MMP8: variants seen among roughly 807,000 people sequenced by gnomAD.
The protein encoded by MMP8 is matrix metallopeptidase 8, also known as neutrophil collagenase.
A neutral mutation model predicts 51.2 loss-of-function variants in MMP8; 67 were observed. The ratio of observed to expected loss-of-function variants is 1.31; its 90% CI spans 1.08 to 1.60. The LOEUF (loss-of-function observed/expected upper bound fraction) is 1.60, where lower values mean the gene tolerates loss of function less well. MMP8 is among the 40% of genes most tolerant of loss of function. The pLI is 0.00. For missense variants in MMP8, 654 were observed against 558.1 expected (o/e 1.17, Z -1.73); for synonymous variants, 225 against 191.0 (o/e 1.18, Z -1.47).
Position 102,724,898 on chromosome 11 carries a change from C to G in MMP8, c.-43G>C, listed in dbSNP as rs752268472. 5 of 1,586,548 alleles carry G rather than the reference C, an allele frequency of 3.2e-6. No individual in the cohort carries two copies. Among genetic ancestry groups the G allele is most frequent in the South Asian group, 2.3e-5 (2 of 85,824 alleles). On this transcript the variant is annotated 5_prime_UTR_variant, in exon 1 of 10. Transcript: ENST00000236826. ...CTACCCCTCCTGGCTTTCTTTCTGT[C>G]CCTCTGGGTAGGGCCCTTCCCTGGC...
intron 5 of MMP8, among the ~76,000 whole-genome samples, chr11:102,717,007 G>T (rs1861318988): frequency 6.6e-6 from 1 of 152,150 alleles, no homozygotes. Flanking sequence ...AGTTAGGATA[G>T]GCTCAACATT....
In MMP8 at chr11:102,713,817, T is replaced by C. The variant is rs766934084; in HGVS notation, c.1231A>G (p.Lys411Glu). 3 of 1,612,602 alleles carry C rather than the reference T, an allele frequency of 1.9e-6. No homozygotes were observed. The South Asian group carries it at 3.3e-5, about 18-fold the overall frequency. The change falls in exon 9 of 10, where the codon AAA (lysine) becomes GAA (glutamate). Residue 411 changes from lysine (K) to glutamate (E), a missense_variant. Lys to Glu is a moderately conservative substitution (Grantham distance 56). Transcript: ENST00000236826. ...CCTGGAAAGGCACCTGATATGCTTT[T>C]GGGATAACCTGGCTCCATGAATTGT... ...QRQFMEPGYP[K>E]SISGAFPGIE...
intron 7 of MMP8, 26 bp downstream of exon 7, chr11:102,715,278 A>G: frequency 1.3e-6 from 2 of 1,597,994 alleles, no homozygotes; most frequent in Non-Finnish European, 1.7e-6. Context: ...CAGAACTAAC[A>G]TAAGATGAAA....
intron 4 of MMP8, among the ~76,000 whole-genome samples, chr11:102,720,914 C>G (rs1861449106): frequency 6.6e-6 from 1 of 151,096 alleles, no homozygotes; most frequent in African/African-American, 2.4e-5. Context: ...GAAAAATAGG[C>G]TCTTTTCAAA....
chr11:102,717,582 A>G (rs1861335129), intron 5 of MMP8, among the ~76,000 whole-genome samples: 1 of 152,160 alleles, frequency 6.6e-6, no homozygotes, highest in Admixed American at 6.5e-5. Context: ...CATGTTTCTC[A>G]CTGCTGCACA....
Position 102,713,414 on chromosome 11 carries a change from A to T in MMP8, c.1338T>A (p.Asp446Glu), listed in dbSNP as rs758068492. 2 of 1,613,702 alleles carry T rather than the reference A, an allele frequency of 1.2e-6. No individual in the cohort carries two copies. The highest frequency in any genetic ancestry group is 1.7e-6 in the Non-Finnish European group (2 of 1,179,666). ...VFSGPRYYAFDLIAQRVTRVA... is the reference protein window; with the variant it reads ...VFSGPRYYAFELIAQRVTRVA... ...CTCTGGTAACTCTCTGAGCAATAAG[A>T]TCAAATGCGTAATATCTTGGTCCAC... The change falls in exon 10 of 10, where the codon GAT becomes GAA. Residue 446 changes from aspartate to glutamate, a missense_variant. Asp to Glu is a conservative substitution (Grantham distance 45). Transcript: ENST00000236826.
intron 2 of MMP8, 70 bp from the exon 3 acceptor site, chr11:102,721,832 T>C: frequency 3.2e-6 from 5 of 1,555,816 alleles, no homozygotes; most frequent in Non-Finnish European, 2.6e-6. Context: ...TGATGAGTTG[T>C]TCTGTTTTGA....
intron 6 of MMP8, among the ~76,000 whole-genome samples, chr11:102,716,045 C>A (rs1565437097): frequency 1.3e-5 from 2 of 151,744 alleles, no homozygotes; most frequent in Non-Finnish European, 2.9e-5. Context: ...TCTTGAGTTA[C>A]CCAGAAAATA....
chr11:102,716,436 A>G lies in MMP8; in HGVS notation c.785-17T>C. 1.4e-6 allele frequency: 2 copies of G among 1,439,012 alleles called. No individual in the cohort carries two copies. Among genetic ancestry groups the G allele is most frequent in the Non-Finnish European group, 1.9e-6 (2 of 1,054,696 alleles). The allele number at this position is 1,439,012 out of a possible 1,614,324, so 89.1% of individuals were successfully genotyped here. On this transcript the variant is annotated splice_polypyrimidine_tract_variant and intron_variant, in intron 5 of 9. Transcript: ENST00000236826. ...TTGAAAGTCCTGGAAAAAAAAAAAA[A>G]AAAAAAAAAAAGGTCTTTCTTATGA... is the stretch of plus-strand genomic sequence containing the variant.
chr11:102,714,505 G>C, intron 8 of MMP8, 51 bp downstream of exon 8: 1 of 1,264,866 alleles, frequency 7.9e-7, no homozygotes, highest in Non-Finnish European at 1.0e-6. Context: ...TTGTAAGCAG[G>C]GTAGAGAAAC....
chr11:102,721,318 TTGTGTGTGTG>T (rs5794191), intron 4 of MMP8, 73 bp downstream of exon 4: 5 of 1,352,982 alleles, frequency 3.7e-6, no homozygotes, highest in Non-Finnish European at 5.1e-6. Flanking sequence ...GTTACCTTTA[TTGTGTGTGTG>T]TGTGTGTGTG....
At chr11:102,715,542 A>C in intron 6 of MMP8, 105 bp from the exon 7 acceptor site, 2 of 1,417,454 alleles carry the variant, frequency 1.4e-6, no homozygotes, top group South Asian at 1.4e-5. Flanking sequence ...GATTGCTGGG[A>C]GAATATAACA....
In MMP8 at chr11:102,721,730, G is replaced by C; in HGVS notation, c.380C>G (p.Ala127Gly). ...IRNYTPQLSE[A>G]EVERAIKDAF... Reference sequence around the variant, plus strand: ...ATCCTTGATAGCTCTTTCTACCTCAGCCTCTGACAGCTGTGGGGTATAGTT... The same window carrying C: ...ATCCTTGATAGCTCTTTCTACCTCACCCTCTGACAGCTGTGGGGTATAGTT... The change falls in exon 3 of 10, where the codon GCT (alanine) becomes GGT (glycine). Residue 127 changes from alanine to glycine, a missense_variant. By Grantham distance (60) the Ala-to-Gly change is moderately conservative (BLOSUM62 0). Coordinates refer to ENST00000236826, the MANE Select transcript of MMP8 (RefSeq NM_002424.3). 6.2e-7 allele frequency: 1 copy of C among 1,613,776 alleles called. No individual in the cohort carries two copies. The highest frequency in any genetic ancestry group is 8.5e-7 in the Non-Finnish European group (1 of 1,179,794).
In MMP8 at chr11:102,716,437, A is replaced by G; in HGVS notation, c.785-18T>C. ...TGAAAGTCCTGGAAAAAAAAAAAAA[A>G]AAAAAAAAAAGGTCTTTCTTATGAG... On this transcript the variant is annotated intron_variant, in intron 5 of 9. Coordinates refer to ENST00000236826, the MANE Select transcript of MMP8 (RefSeq NM_002424.3). 2 of 1,438,658 alleles carry G rather than the reference A, an allele frequency of 1.4e-6. No individual in the cohort carries two copies. Among genetic ancestry groups the G allele is most frequent in the Non-Finnish European group, 1.9e-6 (2 of 1,054,308 alleles). The allele number at this position is 1,438,658 out of a possible 1,614,324, so 89.1% of individuals were successfully genotyped here.
intron 1 of MMP8, chr11:102,723,195 T>G: frequency 2.1e-6 from 1 of 479,770 alleles, no homozygotes; most frequent in Non-Finnish European, 3.8e-6. Flanking sequence ...ATTTCAAATA[T>G]CTTTTAGGGG....
At chr11:102,713,673 CTGG>C (rs1861191891) in intron 9 of MMP8, 78 bp downstream of exon 9, 2 of 1,255,116 alleles carry the variant, frequency 1.6e-6, no homozygotes, top group African/African-American at 3.0e-5. Context: ...TGACACTAAC[CTGG>C]TCAGCATAGT....
In MMP8 at chr11:102,712,362, T is replaced by C. The variant is rs183475197; in HGVS notation, c.*986A>G. 1 of 152,382 alleles carries C rather than the reference T, an allele frequency of 6.6e-6. No individual in the cohort carries two copies. Among genetic ancestry groups the C allele is most frequent in the Admixed American group, 6.5e-5 (1 of 15,300 alleles). 9.4% of individuals were successfully genotyped at this position (152,382 alleles called of 1,614,324 possible). On this transcript the variant is annotated 3_prime_UTR_variant, in exon 10 of 10. Coordinates refer to ENST00000236826, the MANE Select transcript of MMP8 (RefSeq NM_002424.3). ...AGGGTTCTACTTCTGCATTCTGTGTTGATTCATTTTCATATGTGTAGATGT... is the reference window on the plus strand; with the variant it reads ...AGGGTTCTACTTCTGCATTCTGTGTCGATTCATTTTCATATGTGTAGATGT...
At chr11:102,713,530 G>C (rs1348956843) in intron 9 of MMP8, 73 bp from the exon 10 acceptor site, 1 of 1,284,300 alleles carries the variant, frequency 7.8e-7, no homozygotes, top group East Asian at 2.4e-5. Context: ...AGAAAACCCT[G>C]CCCCTGTTCC....
Position 102,721,703 on chromosome 11 carries a change from G to A in MMP8, c.407C>T (p.Ala136Val), listed in dbSNP as rs753271060. The change falls in exon 3 of 10, where the codon GCC (alanine) becomes GTC (valine). Residue 136 changes from alanine (A) to valine (V), a missense_variant. Ala to Val is a moderately conservative substitution (Grantham distance 64). Transcript: ENST00000236826. ...TGATGCAACACTCCAGAGTTCAAAGGCATCCTTGATAGCTCTTTCTACCTC... is the reference window on the plus strand; with the variant it reads ...TGATGCAACACTCCAGAGTTCAAAGACATCCTTGATAGCTCTTTCTACCTC... ...EAEVERAIKD[A>V]FELWSVASPL... The A allele has an allele frequency of 6.2e-7, 1 of 1,613,678 alleles. No individual in the cohort carries two copies. The highest frequency in any genetic ancestry group is 1.3e-5 in the African/African-American group (1 of 74,898).
Sources: allele counts gnomAD v4.1 joint callset (sites outside exome capture counted in the v4.1 genomes callset), GRCh38; gene constraint gnomAD v4.1.1; transcripts MANE v1.5; gene names NCBI Gene and HGNC (gene_info 2026-07-23, HGNC 2026-07-21).